Variants in CCDC13 observed in about 807,000 individuals in gnomAD.
CCDC13 encodes coiled-coil domain-containing protein 13.
CCDC13 carries 70 observed loss-of-function variants against 87.3 expected under a neutral mutation model. The observed-to-expected ratio is 0.80, with a 90% CI of 0.66 to 0.98. The LOEUF (loss-of-function observed/expected upper bound fraction) is 0.98, where lower values mean the gene tolerates loss of function less well. CCDC13 is among the 50% of genes least tolerant of loss of function. The pLI is 0.00. For missense variants in CCDC13, 842 were observed against 892.0 expected, an observed-to-expected ratio of 0.94 and a Z score of 0.71; for synonymous variants, 317 against 360.3, an observed-to-expected ratio of 0.88 and a Z score of 1.36.
chr3:42,758,857 T>C (rs989534562), intron 1 of CCDC13, among the ~76,000 whole-genome samples: 7 of 152,188 alleles, frequency 4.6e-5, no homozygotes, highest in African/African-American at 1.4e-4. Context: ...ACCTCTGTGG[T>C]GACCACCCAG....
At chr3:42,761,997 TC>T (rs1431711496) in intron 1 of CCDC13, among the ~76,000 whole-genome samples, 1 of 152,192 alleles carries the variant, frequency 6.6e-6, no homozygotes, top group Non-Finnish European at 1.5e-5. Flanking sequence ...ACAGGGGTGG[TC>T]CCAGAGCCTG....
rs529448040 is a variant in CCDC13, at chr3:42,747,708, A to G, written c.604-335T>C. The stretch of plus-strand genomic sequence containing the variant: ...GGGTGTATGCCTTACCCTAGAGGTG[A>G]AGCATCTGGAGGAAGCGGCAGGCTC... On this transcript the variant is annotated intron_variant, in intron 5 of 15. Coordinates refer to ENST00000310232, the MANE Select transcript of CCDC13 (RefSeq NM_144719.4). Among the ~76,000 whole-genome samples, 127 of 152,290 alleles carry G rather than the reference A, an allele frequency of 8.3e-4. 1 individual carries two copies. The highest frequency in any genetic ancestry group is 1.2e-3 in the Admixed American group (18 of 15,304).
intron 7 of CCDC13, among the ~76,000 whole-genome samples, chr3:42,743,491 C>T (rs1699288324): frequency 1.4e-5 from 2 of 147,532 alleles, no homozygotes; most frequent in South Asian, 4.2e-4. Flanking sequence ...AATCATGGCT[C>T]ACTGTAACCT....
intron 1 of CCDC13, among the ~76,000 whole-genome samples, chr3:42,766,790 G>A (rs961432724): frequency 2.0e-5 from 3 of 152,112 alleles, no homozygotes; most frequent in Non-Finnish European, 2.9e-5. Flanking sequence ...CACATCAACA[G>A]GCTAAAGGAG....
intron 1 of CCDC13, among the ~76,000 whole-genome samples, chr3:42,764,718 T>G (rs2125913612): frequency 6.6e-6 from 1 of 152,222 alleles, no homozygotes; most frequent in Non-Finnish European, 1.5e-5. Context: ...GAGGCCTTCC[T>G]CCCAGGCCTC....
chr3:42,749,894 T>C (rs947808977), intron 5 of CCDC13: 6 of 456,362 alleles, frequency 1.3e-5, no homozygotes, highest in Middle Eastern at 3.2e-4. Flanking sequence ...AGGCCTAGGG[T>C]TGGAATGTGG....
chr3:42,709,702 A>G lies in CCDC13; in HGVS notation c.1970T>C (p.Met657Thr). Reference sequence around the variant, plus strand: ...GGAGCACCTGGTTGTCAGCTCTTCCATTTGGGATTCCACGGGCACATCGGA... The same window carrying G: ...GGAGCACCTGGTTGTCAGCTCTTCCGTTTGGGATTCCACGGGCACATCGGA... ...QLSDVPVESQ[M>T]EELTTRLAIQ... Residue 657 changes from methionine (M) to threonine (T), a missense_variant, in exon 15 of 16, where the codon ATG becomes ACG. Met to Thr is a moderately conservative substitution (Grantham distance 81). Transcript: ENST00000310232. The G allele has an allele frequency of 6.2e-7, 1 of 1,613,948 alleles. No individual in the cohort carries two copies. The highest frequency in any genetic ancestry group is 8.5e-7 in the Non-Finnish European group (1 of 1,179,906).
At position 42,739,843 on chromosome 3, in the gene CCDC13, G is replaced by A. The variant is rs752757238; in HGVS notation, c.988-33C>T. On this transcript the variant is annotated intron_variant, in intron 8 of 15. Coordinates refer to ENST00000310232, the MANE Select transcript of CCDC13 (RefSeq NM_144719.4). ...TAGAAAGTGAGGGCATGGGCAGCAGGGCTGTGTGGGACCTTGGCCACATCT... is the reference window on the plus strand; with the variant it reads ...TAGAAAGTGAGGGCATGGGCAGCAGAGCTGTGTGGGACCTTGGCCACATCT... 10 of 1,601,120 alleles carry A rather than the reference G, an allele frequency of 6.2e-6. No homozygotes were observed. In the East Asian group the frequency reaches 1.6e-4, roughly 25 times the overall value.
intron 7 of CCDC13, chr3:42,745,239 C>T (rs890491028): frequency 6.6e-6 from 1 of 152,206 alleles, no homozygotes; most frequent in African/African-American, 2.4e-5. Context: ...GGGAAAAGAA[C>T]CACACCTAAC....
chr3:42,714,547 TG>T (rs1370508886), intron 13 of CCDC13, among the ~76,000 whole-genome samples: 1 of 152,268 alleles, frequency 6.6e-6, no homozygotes, highest in African/African-American at 2.4e-5. Context: ...AGGTCCTTCC[TG>T]TGGCTAGGTG....
At chr3:42,765,130 G>A (rs574441720) in intron 1 of CCDC13, among the ~76,000 whole-genome samples, 5 of 152,188 alleles carry the variant, frequency 3.3e-5, no homozygotes, top group African/African-American at 9.6e-5. Context: ...CTTTGCTTTC[G>A]TTTCCCATTT....
chr3:42,709,226 A>G, intron 15 of CCDC13, 87 bp from the exon 16 acceptor site: 1 of 1,385,020 alleles, frequency 7.2e-7, no homozygotes, highest in Non-Finnish European at 9.7e-7. Context: ...TGTGGTTGCC[A>G]GCATGGCTGC....
chr3:42,758,290 T>C lies in CCDC13; in HGVS notation c.56A>G (p.Gln19Arg), dbSNP rs1429203375. 6.2e-7 allele frequency: 1 copy of C among 1,613,494 alleles called. No individual in the cohort carries two copies. Among genetic ancestry groups the C allele is most frequent in the Non-Finnish European group, 8.5e-7 (1 of 1,180,024 alleles). Reference sequence around the variant, plus strand: ...CTGTAACCGTTTGTGCTGCATCTCCTGCATTGCCTTGAACTGGAGCCGCAA... The same window carrying C: ...CTGTAACCGTTTGTGCTGCATCTCCCGCATTGCCTTGAACTGGAGCCGCAA... ...NTLRLQFKAM[Q>R]EMQHKRLQKQ... Residue 19 changes from glutamine to arginine, a missense_variant, in exon 2 of 16, where the codon CAG becomes CGG. Gln to Arg is a conservative substitution (Grantham distance 43). Coordinates refer to ENST00000310232, the MANE Select transcript of CCDC13 (RefSeq NM_144719.4).
At chr3:42,747,165 T>C (rs1370757098) in intron 6 of CCDC13, 92 bp downstream of exon 6, 2 of 946,426 alleles carry the variant, frequency 2.1e-6, no homozygotes, top group African/African-American at 3.2e-5. Flanking sequence ...TGAGCACTCA[T>C]GGCTCCAGAA....
intron 10 of CCDC13, among the ~76,000 whole-genome samples, chr3:42,733,940 G>A (rs1444577177): frequency 4.6e-5 from 7 of 152,130 alleles, no homozygotes; most frequent in African/African-American, 7.2e-5. Flanking sequence ...TTCTCCAGGC[G>A]GCCCCACCCA....
At chr3:42,729,872 A>G (rs756141379) in intron 13 of CCDC13, among the ~76,000 whole-genome samples, 38 of 152,232 alleles carry the variant, frequency 2.5e-4, no homozygotes, top group Non-Finnish European at 5.0e-4. Flanking sequence ...TTCAGTGTGG[A>G]GGTCACATGG....
chr3:42,745,896 C>T, intron 7 of CCDC13, 27 bp downstream of exon 7: 1 of 1,565,494 alleles, frequency 6.4e-7, no homozygotes, highest in Non-Finnish European at 8.8e-7. Context: ...TTTGTTCAGG[C>T]CAGGAGAAGT....
chr3:42,726,243 C>T (rs1169775723), intron 13 of CCDC13, among the ~76,000 whole-genome samples: 11 of 152,060 alleles, frequency 7.2e-5, no homozygotes, highest in Admixed American at 5.2e-4. Flanking sequence ...GGTTTCACCA[C>T]GTTGGCCAGG....
At chr3:42,755,846 G>C (rs1159176388) in intron 3 of CCDC13, among the ~76,000 whole-genome samples, 2 of 152,178 alleles carry the variant, frequency 1.3e-5, no homozygotes, top group Non-Finnish European at 2.9e-5. Context: ...TGCTTCCCAG[G>C]TCTGCTGGGT....
Sources: gnomAD v4.1 joint callset for allele counts (sites outside exome capture counted in the v4.1 genomes callset) on GRCh38, gnomAD v4.1.1 for gene constraint, MANE v1.5 for transcripts, NCBI Gene and HGNC (gene_info 2026-07-23, HGNC 2026-07-21) for gene names.